PBX1: variants seen among roughly 807,000 people sequenced by gnomAD.
PBX1 encodes pre-B-cell leukemia transcription factor 1.
Under a neutral mutation model 53.4 loss-of-function variants are expected in PBX1, and 6 were observed. The ratio of observed to expected loss-of-function variants is 0.11; its 90% confidence interval spans 0.06 to 0.22. The LOEUF (loss-of-function observed/expected upper bound fraction) is 0.22, where lower values mean the gene tolerates loss of function less well. Ranked by LOEUF, PBX1 falls within the 10% of genes least tolerant of loss-of-function variation. The probability of loss-of-function intolerance (pLI) is 1.00; values close to 1 mark genes in which losing one functional copy is unlikely to be tolerated. For missense variants in PBX1, 251 were observed against 551.4 expected, an observed-to-expected ratio of 0.46 and a Z score of 5.46; for synonymous variants, 204 against 212.3, an observed-to-expected ratio of 0.96 and a Z score of 0.34.
intron 8 of PBX1, among the ~76,000 whole-genome samples, chr1:164,846,038 A>G (rs968391233): frequency 2.5e-4 from 38 of 152,106 alleles, no homozygotes; most frequent in Admixed American, 5.2e-4. Flanking sequence ...CCTTGAACAC[A>G]TGAACTACAT....
At chr1:164,686,085 A>G (rs1032041316) in intron 2 of PBX1, among the ~76,000 whole-genome samples, 27 of 152,152 alleles carry the variant, frequency 1.8e-4, no homozygotes, top group African/African-American at 6.0e-4. Context: ...CCCTCCATTT[A>G]TTCATCTATT....
At chr1:164,606,807 T>A (rs1467154809) in intron 2 of PBX1, among the ~76,000 whole-genome samples, 1 of 152,246 alleles carries the variant, frequency 6.6e-6, no homozygotes, top group Non-Finnish European at 1.5e-5. Context: ...TTTGCACATT[T>A]TATAAGATAT....
At chr1:164,735,037 A>T (rs533888111) in intron 2 of PBX1, among the ~76,000 whole-genome samples, 1 of 152,246 alleles carries the variant, frequency 6.6e-6, no homozygotes, top group African/African-American at 2.4e-5. Flanking sequence ...TTGCTTGATT[A>T]TAGGTATTAT....
chr1:164,820,015 G>A (rs1670075286), intron 6 of PBX1, 57 bp from the exon 7 acceptor site: 1 of 979,082 alleles, frequency 1.0e-6, no homozygotes. Flanking sequence ...GCTGTTAGTT[G>A]CGGGGTTTGA....
intron 1 of PBX1, among the ~76,000 whole-genome samples, chr1:164,560,693 A>G (rs565402195): frequency 1.3e-5 from 2 of 152,138 alleles, no homozygotes; most frequent in East Asian, 1.9e-4. Context: ...GTTTTTAGGC[A>G]TATTTGTTAG....
chr1:164,755,495 CTGT>C (rs1382436659), intron 2 of PBX1, among the ~76,000 whole-genome samples: 1 of 152,040 alleles, frequency 6.6e-6, no homozygotes, highest in East Asian at 1.9e-4. Context: ...ATACATAATT[CTGT>C]TGTTGTTTTA....
At chr1:164,576,000 A>G (rs1316926444) in intron 2 of PBX1, among the ~76,000 whole-genome samples, 1 of 152,224 alleles carries the variant, frequency 6.6e-6, no homozygotes, top group Non-Finnish European at 1.5e-5. Context: ...GGGAAAAAAG[A>G]AAAAACAAAA....
chr1:164,794,203 A>G (rs1424504949), intron 3 of PBX1, among the ~76,000 whole-genome samples: 1 of 152,196 alleles, frequency 6.6e-6, no homozygotes, highest in Admixed American at 6.5e-5. Flanking sequence ...AAAAAAGAAG[A>G]CAGAGAAAAA....
At chr1:164,791,358 A>C (rs1012570911) in intron 2 of PBX1, among the ~76,000 whole-genome samples, 1 of 152,170 alleles carries the variant, frequency 6.6e-6, no homozygotes, top group African/African-American at 2.4e-5. Flanking sequence ...ACGCCATCCT[A>C]CCAGAGCACT....
chr1:164,591,038 A>C (rs1371398609), intron 2 of PBX1, among the ~76,000 whole-genome samples: 1 of 132,720 alleles, frequency 7.5e-6, no homozygotes, highest in Non-Finnish European at 1.6e-5. Context: ...TTTGAGATGG[A>C]GTCTTGCTCT....
chr1:164,636,306 A>G (rs1658775537), intron 2 of PBX1, among the ~76,000 whole-genome samples: 1 of 152,170 alleles, frequency 6.6e-6, no homozygotes, highest in Non-Finnish European at 1.5e-5. Flanking sequence ...GTGAGTCTGA[A>G]CAAGGCTATT....
At position 164,725,843 on chromosome 1, in the gene PBX1, T is replaced by A. The variant is rs569013489; in HGVS notation, c.266-66651T>A. ...GAGCAAGAAAGCCAAGATGGATAAA[T>A]AAGTGACTTGCCCAAGACAACTAGA... On this transcript the variant is annotated intron_variant, in intron 2 of 8. Transcript: ENST00000420696. Among the ~76,000 whole-genome samples, 5 of 152,288 alleles carry A rather than the reference T, an allele frequency of 3.3e-5. No individual in the cohort carries two copies. The South Asian group carries it at 6.2e-4, about 19-fold the overall frequency.
intron 2 of PBX1, among the ~76,000 whole-genome samples, chr1:164,688,022 C>T (rs1193070584): frequency 4.6e-5 from 7 of 152,276 alleles, no homozygotes; most frequent in South Asian, 4.1e-4. Context: ...CTTCCCCTAG[C>T]GACAACCATG....
rs953165618 is a variant in PBX1 at position 164,793,810 on chromosome 1, T to C, written c.510+1072T>C. On this transcript the variant is annotated intron_variant, in intron 3 of 8. Transcript: ENST00000420696. ...ATTAGCTTTTCTTTTCTTTTCTTTT[T>C]TTTCGTTTCTTCTTTTCTTTCCTTT... Among the ~76,000 whole-genome samples, 10 of 150,396 alleles carry C rather than the reference T, an allele frequency of 6.6e-5. 1 individual carries two copies. The highest frequency in any genetic ancestry group is 2.0e-4 in the Admixed American group (3 of 15,116).
At chr1:164,875,375 T>C (rs527730665) in intron 2 of PBX1, among the ~76,000 whole-genome samples, 32 of 152,278 alleles carry the variant, frequency 2.1e-4, no homozygotes, top group Non-Finnish European at 3.4e-4. Context: ...TGATCATAGT[T>C]CACTGCAACC....
At position 164,662,346 on chromosome 1, in the gene PBX1, C is replaced by A. The variant is rs144952579; in HGVS notation, c.265+99035C>A. On this transcript the variant is annotated intron_variant, in intron 2 of 8. Transcript: ENST00000420696. Reference sequence around the variant, plus strand: ...GTCTCAAACAAACAAACAAAAACTTCTTTAGTCTGTTTTTGGAAATTTCCA... The same window carrying A: ...GTCTCAAACAAACAAACAAAAACTTATTTAGTCTGTTTTTGGAAATTTCCA... Among the ~76,000 whole-genome samples the A allele has an allele frequency of 3.3e-5, 5 of 152,212 alleles. No individual in the cohort carries two copies. The East Asian group carries it at 9.7e-4, about 29-fold the overall frequency.
chr1:164,647,976 G>A (rs557262845), intron 2 of PBX1, among the ~76,000 whole-genome samples: 7 of 152,128 alleles, frequency 4.6e-5, no homozygotes, highest in Middle Eastern at 3.4e-3. Flanking sequence ...CACTACGCCC[G>A]GCTAATTTTT....
rs369277110 is a variant in PBX1, at chr1:164,875,988, G to GTATATATATATATATATATA, written n.258-23182_258-23181insTATATATATATATATATATA. 7.8e-3 allele frequency among the ~76,000 whole-genome samples: 443 copies of GTATATATATATATATATATA among 56,622 alleles called. 33 individuals are homozygous for GTATATATATATATATATATA. Among genetic ancestry groups the GTATATATATATATATATATA allele is most frequent in the Admixed American group, 0.015 (66 of 4,324 alleles). 37.1% of individuals were successfully genotyped at this position (56,622 alleles called of 152,430 possible). On this transcript the variant is annotated intron_variant and non_coding_transcript_variant, in intron 2 of 2. Coordinates refer to the PBX1 transcript ENST00000558796. ...ATACCTATATATATTTGGTGTATGTGTATATATATATATATATACACACAT... is the reference window on the plus strand; with the variant it reads ...ATACCTATATATATTTGGTGTATGTGTATATATATATATATATATATATATATATATATATATACACACAT...
intron 2 of PBX1, among the ~76,000 whole-genome samples, chr1:164,765,190 G>C (rs1296947365): frequency 6.6e-6 from 1 of 152,194 alleles, no homozygotes; most frequent in Non-Finnish European, 1.5e-5. Flanking sequence ...GCAGTATAAA[G>C]ATGTACATGT....
Sources: gnomAD v4.1 joint callset for allele counts (sites outside exome capture counted in the v4.1 genomes callset) on GRCh38, gnomAD v4.1.1 for gene constraint, MANE v1.5 for transcripts, NCBI Gene and HGNC (gene_info 2026-07-23, HGNC 2026-07-21) for gene names.